The following TMEFF1 variants were observed in gnomAD, a reference collection of about 807,000 sequenced individuals.
TMEFF1 encodes the protein transmembrane protein with EGF like and two follistatin like domains 1.
TMEFF1 carries 20 observed loss-of-function variants against 47.5 expected under a neutral mutation model. That is an observed-to-expected ratio of 0.42 (90% CI 0.30 to 0.61). The LOEUF (loss-of-function observed/expected upper bound fraction) is 0.61. Ranked by LOEUF, TMEFF1 falls within the 20% of genes least tolerant of loss-of-function variation. TMEFF1 has a pLI of 0.19. For synonymous variants in TMEFF1, 162 were observed against 166.3 expected, an observed-to-expected ratio of 0.97 and a Z score of 0.20; for missense variants, 411 against 471.1, an observed-to-expected ratio of 0.87 and a Z score of 1.18.
intron 7 of TMEFF1, among the ~76,000 whole-genome samples, chr9:100,560,573 A>G (rs1356048549): frequency 6.6e-6 from 1 of 152,148 alleles, no homozygotes; most frequent in African/African-American, 2.4e-5. Context: ...GTATATACAG[A>G]GAATGAATGA....
chr9:100,567,181 C>T (rs920215287), intron 8 of TMEFF1, among the ~76,000 whole-genome samples: 6 of 152,176 alleles, frequency 3.9e-5, no homozygotes, highest in East Asian at 3.8e-4. Flanking sequence ...GCCACACTTG[C>T]TGTTCTTGGG....
At chr9:100,564,266 G>A (rs1367964853) in intron 8 of TMEFF1, among the ~76,000 whole-genome samples, 4 of 152,142 alleles carry the variant, frequency 2.6e-5, no homozygotes, top group African/African-American at 9.7e-5. Context: ...GTAGAGACAG[G>A]GTTTTGCCAT....
intron 8 of TMEFF1, among the ~76,000 whole-genome samples, chr9:100,571,895 C>T (rs746775294): frequency 2.0e-5 from 3 of 152,202 alleles, no homozygotes; most frequent in Admixed American, 1.3e-4. Context: ...CCCTTGTGTG[C>T]GCAGCTCACA....
At chr9:100,505,439 A>AC (rs1837840429) in intron 2 of TMEFF1, among the ~76,000 whole-genome samples, 3 of 150,142 alleles carry the variant, frequency 2.0e-5, no homozygotes, top group South Asian at 2.1e-4. Flanking sequence ...AAAAAAAAAA[A>AC]AACAACTAAA....
intron 5 of TMEFF1, among the ~76,000 whole-genome samples, chr9:100,539,501 T>A (rs1184208685): frequency 6.6e-6 from 1 of 152,090 alleles, no homozygotes; most frequent in Non-Finnish European, 1.5e-5. Context: ...TCTTCAGGAG[T>A]GAAGCTGCAG....
chr9:100,520,815 A>G (rs967034536), intron 5 of TMEFF1, among the ~76,000 whole-genome samples: 1 of 152,256 alleles, frequency 6.6e-6, no homozygotes, highest in African/African-American at 2.4e-5. Context: ...GAACCAGAAC[A>G]TAGGTCTCAT....
At chr9:100,492,292 C>T (rs1049133520) in intron 1 of TMEFF1, among the ~76,000 whole-genome samples, 2 of 152,196 alleles carry the variant, frequency 1.3e-5, no homozygotes, top group Non-Finnish European at 2.9e-5. Context: ...CTAAATGCAA[C>T]TGTAGGTTTT....
intron 8 of TMEFF1, among the ~76,000 whole-genome samples, 163 bp downstream of exon 8, chr9:100,561,683 G>A (rs1334721702): frequency 2.0e-5 from 3 of 151,590 alleles, no homozygotes; most frequent in African/African-American, 7.3e-5. Context: ...AAAAAAAACT[G>A]GCAAGTAATA....
At chr9:100,481,041 A>C (rs1032425210) in intron 1 of TMEFF1, among the ~76,000 whole-genome samples, 2 of 152,120 alleles carry the variant, frequency 1.3e-5, no homozygotes, top group African/African-American at 4.8e-5. Flanking sequence ...TTTGCTGTTG[A>C]TGTTCCTTTG....
chr9:100,494,256 C>T (rs1837612530), intron 1 of TMEFF1, among the ~76,000 whole-genome samples: 1 of 148,966 alleles, frequency 6.7e-6, no homozygotes, highest in Non-Finnish European at 1.5e-5. Context: ...ACCAGCAAGT[C>T]ATGATTCTCT....
At chr9:100,487,950 T>C (rs1465328109) in intron 1 of TMEFF1, among the ~76,000 whole-genome samples, 1 of 152,142 alleles carries the variant, frequency 6.6e-6, no homozygotes, top group African/African-American at 2.4e-5. Context: ...ACCAGGTTTT[T>C]CAGTGCCAGT....
intron 5 of TMEFF1, among the ~76,000 whole-genome samples, chr9:100,528,620 G>A (rs1357397732): frequency 7.7e-6 from 1 of 129,798 alleles, no homozygotes; most frequent in African/African-American, 3.1e-5. Flanking sequence ...TCTGATTGGT[G>A]TACCTGAAAG....
intron 1 of TMEFF1, among the ~76,000 whole-genome samples, chr9:100,492,788 G>C (rs1288511525): frequency 6.6e-6 from 1 of 152,076 alleles, no homozygotes; most frequent in South Asian, 2.1e-4. Flanking sequence ...CTGGATCTGA[G>C]GTTGCTTTGA....
chr9:100,537,341 C>T (rs1838534272), intron 5 of TMEFF1, among the ~76,000 whole-genome samples: 2 of 152,150 alleles, frequency 1.3e-5, no homozygotes. Context: ...ACAAATGAAT[C>T]ATTGAATTAA....
intron 7 of TMEFF1, among the ~76,000 whole-genome samples, chr9:100,556,911 T>C (rs1377426105): frequency 6.6e-6 from 1 of 151,966 alleles, no homozygotes; most frequent in African/African-American, 2.4e-5. Flanking sequence ...AGTGGTGCGA[T>C]CTCAGCTCAC....
chr9:100,538,496 G>A (rs554200567), intron 5 of TMEFF1, among the ~76,000 whole-genome samples: 318 of 152,288 alleles, frequency 2.1e-3, no homozygotes, highest in Non-Finnish European at 3.4e-3. Context: ...CTGTACTTCA[G>A]GGCCTCCCAT....
intron 5 of TMEFF1, among the ~76,000 whole-genome samples, chr9:100,539,594 G>A (rs942295444): frequency 2.0e-5 from 3 of 152,004 alleles, no homozygotes; most frequent in Non-Finnish European, 4.4e-5. Context: ...GGTCTTGCTG[G>A]CTTCAGGAGT....
chr9:100,494,812 A>G (rs766995501), intron 1 of TMEFF1, among the ~76,000 whole-genome samples: 2 of 152,210 alleles, frequency 1.3e-5, no homozygotes, highest in Non-Finnish European at 2.9e-5. Flanking sequence ...TAAAATGTCC[A>G]TTCATGAGCT....
chr9:100,485,885 A>AT (rs1468584262), intron 1 of TMEFF1, among the ~76,000 whole-genome samples: 1 of 152,132 alleles, frequency 6.6e-6, no homozygotes, highest in African/African-American at 2.4e-5. Flanking sequence ...AAATTCATCT[A>AT]TTTTTTAAAA....
Sources: allele counts gnomAD v4.1 joint callset (sites outside exome capture counted in the v4.1 genomes callset), GRCh38; gene constraint gnomAD v4.1.1; transcripts MANE v1.5; gene names NCBI Gene and HGNC (gene_info 2026-07-23, HGNC 2026-07-21).